The following DLG2 variants were observed in gnomAD, a reference collection of about 807,000 sequenced individuals.
DLG2 encodes discs large MAGUK scaffold protein 2.
DLG2 carries 45 observed loss-of-function variants against 132.5 expected under a neutral mutation model. That is an observed-to-expected ratio of 0.34 (90% CI 0.27 to 0.44). The LOEUF (loss-of-function observed/expected upper bound fraction) is 0.44. DLG2 is among the 20% of genes least tolerant of loss of function. The probability of loss-of-function intolerance (pLI) is 1.00; values close to 1 mark genes in which losing one functional copy is unlikely to be tolerated. For synonymous variants in DLG2, 424 were observed against 419.6 expected (o/e 1.01, Z -0.13); for missense variants, 1,045 against 1,196.9 (o/e 0.87, Z 1.87).
intron 3 of DLG2, among the ~76,000 whole-genome samples, chr11:85,370,614 T>C (rs1460155637): frequency 6.6e-6 from 1 of 152,206 alleles, no homozygotes; most frequent in Non-Finnish European, 1.5e-5. Flanking sequence ...TTTGGCAAAA[T>C]AATTACCTTA....
intron 6 of DLG2, among the ~76,000 whole-genome samples, chr11:84,929,706 C>G (rs2047876478): frequency 6.6e-6 from 1 of 152,094 alleles, no homozygotes; most frequent in Non-Finnish European, 1.5e-5. Context: ...TGTATATCAA[C>G]TTAATGCAAG....
intron 3 of DLG2, among the ~76,000 whole-genome samples, chr11:85,299,493 A>T (rs1339119064): frequency 6.6e-6 from 1 of 152,118 alleles, no homozygotes; most frequent in Non-Finnish European, 1.5e-5. Context: ...TCCTTCACCA[A>T]AAGTCATTTC....
At chr11:85,564,991 ATG>A (rs1449330887) in intron 3 of DLG2, among the ~76,000 whole-genome samples, 2 of 152,086 alleles carry the variant, frequency 1.3e-5, no homozygotes, top group African/African-American at 4.8e-5. Context: ...TCATATTTTG[ATG>A]TGTGGTAAAT....
chr11:83,660,659 T>C (rs186099283), intron 18 of DLG2, among the ~76,000 whole-genome samples: 19 of 152,076 alleles, frequency 1.2e-4, no homozygotes, highest in Admixed American at 3.9e-4. Flanking sequence ...CATGTGACTA[T>C]AGATAAAGTC....
intron 3 of DLG2, among the ~76,000 whole-genome samples, chr11:85,470,723 G>C (rs192916344): frequency 6.6e-6 from 1 of 152,076 alleles, no homozygotes; most frequent in African/African-American, 2.4e-5. Flanking sequence ...GTGAGACTCT[G>C]TCTCAACCAA....
chr11:85,229,122 T>G (rs11828674), intron 4 of DLG2, among the ~76,000 whole-genome samples: 1,542 of 151,974 alleles, frequency 0.01, 20 homozygotes, highest in African/African-American at 0.034. Context: ...CCATTTACCC[T>G]CTTTCTGTCT....
chr11:83,752,579 C>T (rs545686383), intron 18 of DLG2, among the ~76,000 whole-genome samples: 1 of 152,176 alleles, frequency 6.6e-6, no homozygotes, highest in African/African-American at 2.4e-5. Context: ...GGATGAACGC[C>T]AGATAGAGTG....
intron 9 of DLG2, among the ~76,000 whole-genome samples, chr11:84,116,623 C>T (rs1365525533): frequency 2.0e-5 from 3 of 152,138 alleles, no homozygotes; most frequent in East Asian, 3.9e-4. Context: ...CCCACTAGGT[C>T]CCTCCCATGA....
At chr11:84,590,270 A>AT (rs1225241850) in intron 6 of DLG2, among the ~76,000 whole-genome samples, 1 of 152,222 alleles carries the variant, frequency 6.6e-6, no homozygotes, top group Non-Finnish European at 1.5e-5. Context: ...ACTTGCCACA[A>AT]TTATTGCTGC....
chr11:84,650,867 G>A (rs772934578), intron 6 of DLG2, among the ~76,000 whole-genome samples: 16,017 of 90,162 alleles, frequency 0.18, 1,233 homozygotes, highest in African/African-American at 0.29. Context: ...GTGTGTGTGT[G>A]TGTGTGTATA....
chr11:84,593,138 G>A (rs539050986), intron 6 of DLG2, among the ~76,000 whole-genome samples: 13 of 150,530 alleles, frequency 8.6e-5, no homozygotes, highest in Non-Finnish European at 1.6e-4. Flanking sequence ...AAAAAAGTCA[G>A]GAAACAACAG....
At chr11:84,606,763 C>A (rs2099586408) in intron 6 of DLG2, among the ~76,000 whole-genome samples, 1 of 151,888 alleles carries the variant, frequency 6.6e-6, no homozygotes, top group South Asian at 2.1e-4. Context: ...GCTACAGAAA[C>A]AAGAAAATAA....
rs551733225 is a variant in DLG2 at position 85,118,581 on chromosome 11, A to T, written c.283-6846T>A. ...TTCAGGGTATCAATGGGGAGAGGAC[A>T]GCGGGCTTTGACTTAGGAAGCATTT... On this transcript the variant is annotated intron_variant, in intron 5 of 27. Coordinates refer to ENST00000376104, the MANE Select transcript of DLG2 (RefSeq NM_001142699.3). Among the ~76,000 whole-genome samples the T allele has an allele frequency of 5.3e-5, 8 of 152,212 alleles. No individual in the cohort carries two copies. In the South Asian group the frequency reaches 1.7e-3, roughly 32 times the overall value.
At chr11:84,520,720 G>A (rs2099295348) in intron 7 of DLG2, among the ~76,000 whole-genome samples, 1 of 152,210 alleles carries the variant, frequency 6.6e-6, no homozygotes, top group Non-Finnish European at 1.5e-5. Context: ...TAGGGAAATA[G>A]AAGTTGAGGT....
At chr11:83,839,709 A>AT (rs2057119894) in intron 16 of DLG2, among the ~76,000 whole-genome samples, 1 of 152,230 alleles carries the variant, frequency 6.6e-6, no homozygotes, top group Non-Finnish European at 1.5e-5. Flanking sequence ...AGGATTCTTA[A>AT]TTTAAAAAAG....
chr11:83,467,771 G>A (rs11233624), intron 25 of DLG2, among the ~76,000 whole-genome samples: 1,338 of 84,584 alleles, frequency 0.016, 57 homozygotes, highest in African/African-American at 0.04. Context: ...AAAACTATAT[G>A]TATATATATA....
At chr11:84,332,366 C>A (rs982904741) in intron 7 of DLG2, among the ~76,000 whole-genome samples, 6 of 152,056 alleles carry the variant, frequency 3.9e-5, no homozygotes, top group South Asian at 2.1e-4. Context: ...CGCCCGCCAC[C>A]ACGCCCGGCT....
intron 7 of DLG2, among the ~76,000 whole-genome samples, chr11:84,512,551 C>A (rs2099259887): frequency 6.6e-6 from 1 of 151,950 alleles, no homozygotes; most frequent in South Asian, 2.1e-4. Context: ...TTGAAAAATT[C>A]AAATGACTAC....
At chr11:85,080,966 A>G (rs544617124) in intron 6 of DLG2, among the ~76,000 whole-genome samples, 1 of 152,250 alleles carries the variant, frequency 6.6e-6, no homozygotes, top group African/African-American at 2.4e-5. Context: ...CATTTTATTA[A>G]AACTACATTA....
Sources: allele counts gnomAD v4.1 joint callset (sites outside exome capture counted in the v4.1 genomes callset), GRCh38; gene constraint gnomAD v4.1.1; transcripts MANE v1.5; gene names NCBI Gene and HGNC (gene_info 2026-07-23, HGNC 2026-07-21).